The following DGKI variants were observed in gnomAD, a reference collection of about 807,000 sequenced individuals.
DGKI encodes the protein diacylglycerol kinase iota.
DGKI carries 55 observed loss-of-function variants against 147.5 expected under a neutral mutation model. That is an observed-to-expected ratio of 0.37 (90% CI 0.30 to 0.47). The LOEUF is 0.47. Ranked by LOEUF, DGKI falls within the 20% of genes least tolerant of loss-of-function variation. DGKI has a pLI of 1.00. For synonymous variants in DGKI, 469 were observed against 477.1 expected (o/e 0.98, Z 0.22); for missense variants, 1,007 against 1,323.8 (o/e 0.76, Z 3.71).
chr7:137,546,591 G>GA (rs1462530466), intron 20 of DGKI, among the ~76,000 whole-genome samples: 1 of 152,186 alleles, frequency 6.6e-6, no homozygotes, highest in Non-Finnish European at 1.5e-5. Context: ...ATTCTGGGTA[G>GA]AAAAATGAAA....
intron 3 of DGKI, among the ~76,000 whole-genome samples, chr7:137,663,566 T>C (rs774103715): frequency 4.3e-4 from 66 of 152,290 alleles, no homozygotes; most frequent in Middle Eastern, 3.4e-3. Flanking sequence ...TGGGTGTCTA[T>C]GTACAGGAGT....
chr7:137,808,345 A>T (rs528307840), intron 1 of DGKI, among the ~76,000 whole-genome samples: 1 of 152,326 alleles, frequency 6.6e-6, no homozygotes, highest in Non-Finnish European at 1.5e-5. Flanking sequence ...GGTAGGTGCC[A>T]TTTATTGTGC....
At chr7:137,625,606 T>A (rs1427516544) in intron 6 of DGKI, among the ~76,000 whole-genome samples, 3 of 151,974 alleles carry the variant, frequency 2.0e-5, no homozygotes, top group African/African-American at 7.2e-5. Context: ...GGGCCTAAAC[T>A]GTTTGCACAG....
At chr7:137,820,712 C>A (rs1281254226) in intron 1 of DGKI, among the ~76,000 whole-genome samples, 4 of 152,060 alleles carry the variant, frequency 2.6e-5, no homozygotes, top group African/African-American at 9.7e-5. Context: ...TCTGGGAAAA[C>A]CCCGTGTCTG....
chr7:137,773,343 T>C (rs549085179), intron 1 of DGKI, among the ~76,000 whole-genome samples: 2 of 152,274 alleles, frequency 1.3e-5, no homozygotes, highest in South Asian at 2.1e-4. Flanking sequence ...GAATAAATAA[T>C]GAACTTGCCA....
chr7:137,634,131 T>C (rs1421366505), intron 6 of DGKI, among the ~76,000 whole-genome samples: 1 of 152,160 alleles, frequency 6.6e-6, no homozygotes, highest in African/African-American at 2.4e-5. Context: ...TTTAAACCAC[T>C]AAGAATGAAA....
intron 1 of DGKI, among the ~76,000 whole-genome samples, chr7:137,822,071 A>C (rs1797921143): frequency 6.6e-6 from 1 of 152,184 alleles, no homozygotes; most frequent in Admixed American, 6.5e-5. Context: ...CTCTACTAAA[A>C]GCAGAGAGAG....
At chr7:137,402,265 C>T (rs1811787545) in intron 30 of DGKI, among the ~76,000 whole-genome samples, 1 of 152,176 alleles carries the variant, frequency 6.6e-6, no homozygotes, top group South Asian at 2.1e-4. Context: ...GCCAATATCA[C>T]TTTAAGAGAA....
In DGKI at chr7:137,532,913, A is replaced by G. The variant is rs1817389725; in HGVS notation, c.2148-10947T>C. 3.3e-5 allele frequency among the ~76,000 whole-genome samples: 5 copies of G among 152,216 alleles called. No individual in the cohort carries two copies. The South Asian group carries it at 1.0e-3, about 31-fold the overall frequency. ...AAAGAATCACACAATAATTATATCA[A>G]TATAACAATTATTCATCAACAAAAA... On this transcript the variant is annotated intron_variant, in intron 20 of 32. Coordinates refer to ENST00000614521, the MANE Select transcript of DGKI (RefSeq NM_001321708.2).
chr7:137,752,371 A>T (rs1795524152), intron 1 of DGKI, among the ~76,000 whole-genome samples: 1 of 152,226 alleles, frequency 6.6e-6, no homozygotes, highest in African/African-American at 2.4e-5. Context: ...TCATATTTAT[A>T]AACTTCAGTT....
rs569325119 is a variant in DGKI, at chr7:137,601,006, T to C, written c.1168-1101A>G. ...GCAAGAAGGGGCCGGGCACGGTGGCTCATGCCTGTAATCCCAGCACCTTGG... is the reference window on the plus strand; with the variant it reads ...GCAAGAAGGGGCCGGGCACGGTGGCCCATGCCTGTAATCCCAGCACCTTGG... On this transcript the variant is annotated intron_variant, in intron 10 of 32. Transcript: ENST00000614521. Among the ~76,000 whole-genome samples the C allele has an allele frequency of 8.6e-5, 13 of 151,502 alleles. No homozygotes were observed. In the South Asian group the frequency reaches 2.7e-3, roughly 32 times the overall value.
At chr7:137,472,412 T>C (rs1815012490) in intron 23 of DGKI, among the ~76,000 whole-genome samples, 1 of 136,788 alleles carries the variant, frequency 7.3e-6, no homozygotes, top group Non-Finnish European at 1.5e-5. Context: ...TATATGTATA[T>C]ATACATATAC....
chr7:137,540,428 A>G (rs1817649400), intron 20 of DGKI, among the ~76,000 whole-genome samples: 2 of 152,204 alleles, frequency 1.3e-5, no homozygotes, highest in African/African-American at 4.8e-5. Context: ...ATGCTGGACT[A>G]TGTAGAAAAT....
intron 12 of DGKI, among the ~76,000 whole-genome samples, chr7:137,591,181 C>G (rs1563101412): frequency 1.3e-5 from 2 of 152,228 alleles, no homozygotes; most frequent in Admixed American, 1.3e-4. Context: ...AGGACAAGTA[C>G]ACAGTGTGTG....
chr7:137,728,796 CA>C (rs1794787514), intron 1 of DGKI, among the ~76,000 whole-genome samples: 1 of 152,106 alleles, frequency 6.6e-6, no homozygotes, highest in African/African-American at 2.4e-5. Flanking sequence ...TATTTTTAAT[CA>C]CATGAAAGTT....
At chr7:137,407,637 G>A (rs968330301) in intron 30 of DGKI, among the ~76,000 whole-genome samples, 2 of 152,056 alleles carry the variant, frequency 1.3e-5, no homozygotes, top group Admixed American at 1.3e-4. Context: ...CTGAAAAATA[G>A]CCTGTAAAGA....
At chr7:137,820,014 A>G (rs1368223124) in intron 1 of DGKI, among the ~76,000 whole-genome samples, 1 of 152,140 alleles carries the variant, frequency 6.6e-6, no homozygotes, top group Non-Finnish European at 1.5e-5. Context: ...TGCCTTCGAC[A>G]TAGTGCATTT....
chr7:137,465,849 G>A lies in DGKI; in HGVS notation c.2612+59C>T, dbSNP rs556100654. ...TTAGAACGATGTCAAGTTCAAAGGC[G>A]AACCAGACATGGATGTCACCCTAAG... On this transcript the variant is annotated intron_variant, in intron 26 of 32. Transcript: ENST00000614521. The A allele has an allele frequency of 3.8e-5, 60 of 1,567,232 alleles. No homozygotes were observed. In the African/African-American group the frequency reaches 4.1e-4, roughly 11 times the overall value.
In DGKI at chr7:137,597,838, G is replaced by A. The variant is rs1819850629; in HGVS notation, c.1311+9C>T. 6.2e-7 allele frequency: 1 copy of A among 1,613,348 alleles called. No individual in the cohort carries two copies. Among genetic ancestry groups the A allele is most frequent in the South Asian group, 1.1e-5 (1 of 90,968 alleles). Reference sequence around the variant, plus strand: ...TGGCAGAGAACTGGATTCTCTCTCAGGGACCTACCGTTCCATCCCCACCAC... The same window carrying A: ...TGGCAGAGAACTGGATTCTCTCTCAAGGACCTACCGTTCCATCCCCACCAC... On this transcript the variant is annotated intron_variant, in intron 12 of 32. Coordinates refer to ENST00000614521, the MANE Select transcript of DGKI (RefSeq NM_001321708.2).
Sources: allele counts gnomAD v4.1 joint callset (sites outside exome capture counted in the v4.1 genomes callset), GRCh38; gene constraint gnomAD v4.1.1; transcripts MANE v1.5; gene names NCBI Gene and HGNC (gene_info 2026-07-23, HGNC 2026-07-21).